Variants in TARS3 observed in about 807,000 individuals in gnomAD.
The protein encoded by TARS3 is threonine--tRNA ligase 2, cytoplasmic.
A neutral mutation model predicts 103.5 loss-of-function variants in TARS3; 94 were observed. The ratio of observed to expected loss-of-function variants is 0.91; its 90% confidence interval spans 0.77 to 1.08. TARS3 has a LOEUF of 1.08. Among genes scored for constraint, TARS3 ranks in the 50% least tolerant of loss-of-function variants. The pLI is 0.00. For synonymous variants in TARS3, 416 were observed against 355.4 expected (o/e 1.17, Z -1.92); for missense variants, 952 against 995.2 (o/e 0.96, Z 0.58).
intron 1 of TARS3, among the ~76,000 whole-genome samples, chr15:101,723,847 C>T (rs926336671): frequency 7.2e-5 from 11 of 152,250 alleles, no homozygotes; most frequent in African/African-American, 2.4e-4. Context: ...GCGTGGCAGG[C>T]TCTTTAATGG....
intron 5 of TARS3, among the ~76,000 whole-genome samples, chr15:101,710,754 A>G (rs1394943248): frequency 6.6e-6 from 1 of 152,204 alleles, no homozygotes; most frequent in Non-Finnish European, 1.5e-5. Context: ...AGGTAAAGAC[A>G]AAATGCACCA....
chr15:101,662,504 C>A (rs559142774), intron 15 of TARS3, among the ~76,000 whole-genome samples: 1 of 152,110 alleles, frequency 6.6e-6, no homozygotes, highest in East Asian at 1.9e-4. Flanking sequence ...ATAAAACAAA[C>A]AAAAACAGAG....
chr15:101,687,433 A>G (rs747045270), intron 10 of TARS3, among the ~76,000 whole-genome samples: 13 of 152,222 alleles, frequency 8.5e-5, no homozygotes, highest in Middle Eastern at 3.4e-3. Flanking sequence ...TAACAAAATG[A>G]TGTCATTAAG....
chr15:101,720,180 G>C (rs953848462), intron 3 of TARS3, among the ~76,000 whole-genome samples: 2 of 152,130 alleles, frequency 1.3e-5, no homozygotes, highest in African/African-American at 4.8e-5. Context: ...CTTAGCCATA[G>C]TTTTCAAAGA....
At chr15:101,718,930 A>C (rs1900306650) in intron 3 of TARS3, among the ~76,000 whole-genome samples, 1 of 152,226 alleles carries the variant, frequency 6.6e-6, no homozygotes, top group African/African-American at 2.4e-5. Context: ...CTCAGGCCCC[A>C]AATGTGCACC....
At chr15:101,655,972 G>A (rs1897186006) in intron 18 of TARS3, 1 of 1,289,232 alleles carries the variant, frequency 7.8e-7, no homozygotes, top group Non-Finnish European at 1.0e-6. Flanking sequence ...GTGAGATGAT[G>A]CAGGAATCTA....
At chr15:101,693,020 C>T (rs1187769128) in intron 10 of TARS3, among the ~76,000 whole-genome samples, 2 of 152,122 alleles carry the variant, frequency 1.3e-5, no homozygotes, top group Non-Finnish European at 2.9e-5. Flanking sequence ...TCAAGACATG[C>T]ATCAACAAGT....
intron 15 of TARS3, among the ~76,000 whole-genome samples, chr15:101,668,982 C>T (rs1020986328): frequency 1.3e-5 from 2 of 152,076 alleles, no homozygotes; most frequent in Non-Finnish European, 2.9e-5. Context: ...TATTCTTTCA[C>T]TTACTTTAAA....
At chr15:101,712,136 G>C (rs1899900961) in intron 4 of TARS3, 135 bp from the exon 5 acceptor site, 1 of 961,198 alleles carries the variant, frequency 1.0e-6, no homozygotes, top group South Asian at 1.8e-5. Flanking sequence ...CAACTTGAAA[G>C]GAAAATCTTC....
chr15:101,657,503 T>C (rs1276681789), intron 17 of TARS3, among the ~76,000 whole-genome samples: 1 of 152,250 alleles, frequency 6.6e-6, no homozygotes, highest in Non-Finnish European at 1.5e-5. Flanking sequence ...TGGGGTCACT[T>C]GTGACACAGC....
chr15:101,667,631 C>T (rs567822683), intron 15 of TARS3, among the ~76,000 whole-genome samples: 5 of 151,860 alleles, frequency 3.3e-5, no homozygotes, highest in South Asian at 2.1e-4. Flanking sequence ...AGTGCAGTGG[C>T]GTGGTCTTGG....
At chr15:101,719,336 G>A (rs1173262245) in intron 3 of TARS3, among the ~76,000 whole-genome samples, 3 of 152,196 alleles carry the variant, frequency 2.0e-5, no homozygotes, top group Non-Finnish European at 2.9e-5. Context: ...CCTGATGGGG[G>A]GTGTTCTGTA....
intron 10 of TARS3, 88 bp downstream of exon 10, chr15:101,700,998 G>GA: frequency 1.2e-6 from 1 of 832,094 alleles, no homozygotes. Flanking sequence ...AAAGTTAATG[G>GA]AAACGCTTGA....
intron 12 of TARS3, among the ~76,000 whole-genome samples, chr15:101,680,066 CAT>C (rs1453325918): frequency 6.6e-6 from 1 of 152,182 alleles, no homozygotes; most frequent in African/African-American, 2.4e-5. Flanking sequence ...AGGCTCCCCA[CAT>C]AGTCTTCACT....
At chr15:101,688,409 C>A (rs1407291355) in intron 10 of TARS3, among the ~76,000 whole-genome samples, 2 of 152,102 alleles carry the variant, frequency 1.3e-5, no homozygotes, top group Non-Finnish European at 2.9e-5. Context: ...TCAGTCCAGT[C>A]TCCTGAAGAA....
chr15:101,661,834 T>C lies in TARS3; in HGVS notation c.1968-18A>G, dbSNP rs1951305044. The C allele has an allele frequency of 2.1e-6, 3 of 1,458,116 alleles. No homozygotes were observed. The highest frequency in any genetic ancestry group is 2.3e-5 in the East Asian group (1 of 43,086). 90.3% of individuals were successfully genotyped at this position (1,458,116 alleles called of 1,614,324 possible). ...CATCCTTACTAAAAAATGAAAATTATACATTTAAGTCTTTTCCTAAGATTC... is the reference window on the plus strand; with the variant it reads ...CATCCTTACTAAAAAATGAAAATTACACATTTAAGTCTTTTCCTAAGATTC... On this transcript the variant is annotated intron_variant, in intron 15 of 18. Transcript: ENST00000335968.
chr15:101,721,619 C>T (rs1349158239), intron 2 of TARS3, among the ~76,000 whole-genome samples: 4 of 152,106 alleles, frequency 2.6e-5, no homozygotes, highest in Non-Finnish European at 4.4e-5. Flanking sequence ...CTCGGCCACC[C>T]GAGTAGCTGG....
At chr15:101,700,007 G>A (rs1899179569) in intron 10 of TARS3, among the ~76,000 whole-genome samples, 1 of 152,116 alleles carries the variant, frequency 6.6e-6, no homozygotes, top group African/African-American at 2.4e-5. Context: ...TTAGTAGCAA[G>A]TTAATTCTGG....
intron 4 of TARS3, among the ~76,000 whole-genome samples, chr15:101,713,625 C>A (rs1365882892): frequency 1.3e-5 from 2 of 152,156 alleles, no homozygotes; most frequent in African/African-American, 4.8e-5. Flanking sequence ...GGAGGAATCA[C>A]ACAAAACCTC....
Sources: allele counts gnomAD v4.1 joint callset (sites outside exome capture counted in the v4.1 genomes callset), GRCh38; gene constraint gnomAD v4.1.1; transcripts MANE v1.5; gene names NCBI Gene and HGNC (gene_info 2026-07-23, HGNC 2026-07-21).